Variants in GRM5 observed in about 807,000 individuals in gnomAD.
The protein encoded by GRM5 is metabotropic glutamate receptor 5.
A neutral mutation model predicts 83.1 loss-of-function variants in GRM5; 19 were observed. That is an observed-to-expected ratio of 0.23 (90% CI 0.16 to 0.34). The LOEUF (loss-of-function observed/expected upper bound fraction) is 0.34, where lower values mean the gene tolerates loss of function less well. Among genes scored for constraint, GRM5 ranks in the 10% least tolerant of loss-of-function variants. The probability of loss-of-function intolerance (pLI) is 1.00; values close to 1 mark genes in which losing one functional copy is unlikely to be tolerated. For synonymous variants in GRM5, 675 were observed against 633.6 expected, an observed-to-expected ratio of 1.07 and a Z score of -0.98; for missense variants, 1,160 against 1,588.3, an observed-to-expected ratio of 0.73 and a Z score of 4.58.
At chr11:88,588,758 G>T (rs972613666) in intron 7 of GRM5, among the ~76,000 whole-genome samples, 1 of 151,842 alleles carries the variant, frequency 6.6e-6, no homozygotes, top group Non-Finnish European at 1.5e-5. Flanking sequence ...TATATAATTT[G>T]TCAGTGAGGC....
chr11:88,981,326 T>C (rs1448966704), intron 2 of GRM5, among the ~76,000 whole-genome samples: 1 of 152,206 alleles, frequency 6.6e-6, no homozygotes, highest in Non-Finnish European at 1.5e-5. Flanking sequence ...GTGTTACATA[T>C]ATTCAATGAA....
chr11:88,965,070 T>C (rs553466469), intron 2 of GRM5, among the ~76,000 whole-genome samples: 6 of 152,308 alleles, frequency 3.9e-5, no homozygotes, highest in Non-Finnish European at 8.8e-5. Flanking sequence ...ATAGGTGTTA[T>C]AAACACACCA....
At chr11:88,928,494 A>G (rs201944047) in intron 2 of GRM5, among the ~76,000 whole-genome samples, 1 of 98,820 alleles carries the variant, frequency 1.0e-5, no homozygotes, top group East Asian at 2.4e-4. Context: ...GTATATATGT[A>G]TATATATATA....
At chr11:88,655,381 A>G (rs1459348765) in intron 3 of GRM5, among the ~76,000 whole-genome samples, 4 of 152,070 alleles carry the variant, frequency 2.6e-5, no homozygotes, top group Admixed American at 2.0e-4. Flanking sequence ...CAAATGGGAC[A>G]GGAAGCTCTG....
At chr11:88,627,406 T>C (rs7127539) in intron 4 of GRM5, among the ~76,000 whole-genome samples, 108,215 of 152,006 alleles carry the variant, frequency 0.71, 42,806 homozygotes, top group Non-Finnish European at 0.9. Flanking sequence ...GGACCCAGCT[T>C]TTCCTGCAGT....
intron 2 of GRM5, among the ~76,000 whole-genome samples, chr11:88,921,059 C>T (rs1176737529): frequency 7.6e-6 from 1 of 131,722 alleles, no homozygotes; most frequent in Non-Finnish European, 1.6e-5. Context: ...TAATATTCCA[C>T]ACTTAAAAGA....
At chr11:88,695,807 G>A (rs1426274712) in intron 3 of GRM5, among the ~76,000 whole-genome samples, 1 of 152,174 alleles carries the variant, frequency 6.6e-6, no homozygotes, top group Non-Finnish European at 1.5e-5. Flanking sequence ...GCTGCTAGAA[G>A]CCCTAGGGGA....
chr11:88,846,677 CT>C lies in GRM5; in HGVS notation c.911+3228del, dbSNP rs553437380. Among the ~76,000 whole-genome samples, 774 of 146,910 alleles carry C rather than the reference CT, an allele frequency of 5.3e-3. 1 individual carries two copies. Among genetic ancestry groups the C allele is most frequent in the African/African-American group, 0.015 (591 of 40,218 alleles). On this transcript the variant is annotated intron_variant, in intron 3 of 9. Transcript: ENST00000305447. ...CCTTCTAGTAGGCTCTAAATATAGC[CT>C]TTTTTTTTTTCCACATAGCTTTGAC...
At chr11:88,676,529 G>A (rs1940333754) in intron 3 of GRM5, among the ~76,000 whole-genome samples, 2 of 151,980 alleles carry the variant, frequency 1.3e-5, no homozygotes, top group South Asian at 4.2e-4. Flanking sequence ...ATTAATGAAT[G>A]ACAATTTAAA....
intron 4 of GRM5, among the ~76,000 whole-genome samples, chr11:88,621,680 T>C (rs1938638699): frequency 6.6e-6 from 1 of 152,204 alleles, no homozygotes; most frequent in East Asian, 1.9e-4. Context: ...TCACACAGTG[T>C]TCTAGAGTTT....
intron 3 of GRM5, among the ~76,000 whole-genome samples, chr11:88,745,494 C>G (rs367746508): frequency 2.6e-5 from 4 of 152,264 alleles, no homozygotes; most frequent in East Asian, 3.9e-4. Context: ...GCATGAGCCA[C>G]CATGTCCAGC....
At chr11:89,025,960 T>TA (rs1356648890) in intron 2 of GRM5, among the ~76,000 whole-genome samples, 4 of 152,214 alleles carry the variant, frequency 2.6e-5, no homozygotes, top group Non-Finnish European at 5.9e-5. Context: ...GGAGTAGATT[T>TA]AAAAAATGCG....
chr11:88,542,686 TCTCAA>T (rs1201442448), intron 8 of GRM5, among the ~76,000 whole-genome samples: 1 of 152,210 alleles, frequency 6.6e-6, no homozygotes, highest in Non-Finnish European at 1.5e-5. Flanking sequence ...TTTCACAGCC[TCTCAA>T]CTCAAGGAGC....
chr11:89,013,187 G>A (rs12803476), intron 2 of GRM5, among the ~76,000 whole-genome samples: 3 of 152,218 alleles, frequency 2.0e-5, no homozygotes, highest in East Asian at 3.9e-4. Context: ...AGTCTAATGC[G>A]ATAGATGACA....
rs1163059984 is a variant in GRM5, at chr11:88,948,686, T to A, written c.661+98526A>T. On this transcript the variant is annotated intron_variant, in intron 2 of 9. Coordinates refer to ENST00000305447, the MANE Select transcript of GRM5 (RefSeq NM_001143831.3). Reference sequence around the variant, plus strand: ...CATGCACACACCCTTTTTATTTTCATTGTTAGAAATAAACTAATTTCCAAA... The same window carrying A: ...CATGCACACACCCTTTTTATTTTCAATGTTAGAAATAAACTAATTTCCAAA... 4.6e-5 allele frequency among the ~76,000 whole-genome samples: 7 copies of A among 152,226 alleles called. No homozygotes were observed. The South Asian group carries it at 1.2e-3, about 27-fold the overall frequency.
intron 9 of GRM5, among the ~76,000 whole-genome samples, chr11:88,521,984 A>G (rs1463443912): frequency 1.3e-5 from 2 of 152,208 alleles, no homozygotes; most frequent in Non-Finnish European, 2.9e-5. Flanking sequence ...ATGAATTCAT[A>G]GAGTACTGTC....
intron 2 of GRM5, among the ~76,000 whole-genome samples, chr11:88,967,835 T>C (rs996049868): frequency 1.1e-4 from 16 of 152,068 alleles, no homozygotes; most frequent in Non-Finnish European, 1.9e-4. Flanking sequence ...GCAGCTTCTA[T>C]GGAAGATGCA....
chr11:88,580,977 A>T (rs560852489), intron 7 of GRM5, among the ~76,000 whole-genome samples: 2 of 152,238 alleles, frequency 1.3e-5, no homozygotes, highest in Non-Finnish European at 2.9e-5. Context: ...GCATGGTGGC[A>T]TGCGCCTGTA....
chr11:88,980,321 T>C (rs1939481628), intron 2 of GRM5, among the ~76,000 whole-genome samples: 1 of 152,182 alleles, frequency 6.6e-6, no homozygotes, highest in African/African-American at 2.4e-5. Flanking sequence ...TAGGCAATGT[T>C]TGTTAATGAA....
Sources: gnomAD v4.1 joint callset for allele counts (sites outside exome capture counted in the v4.1 genomes callset) on GRCh38, gnomAD v4.1.1 for gene constraint, MANE v1.5 for transcripts, NCBI Gene and HGNC (gene_info 2026-07-23, HGNC 2026-07-21) for gene names.